The following CORO2A variants were observed in gnomAD, a reference collection of about 807,000 sequenced individuals.
CORO2A encodes the protein coronin 2A, also known as coronin-2A.
A neutral mutation model predicts 62.4 loss-of-function variants in CORO2A; 47 were observed. The ratio of observed to expected loss-of-function variants is 0.75; its 90% CI spans 0.60 to 0.96. The LOEUF is 0.96. Among genes scored for constraint, CORO2A ranks in the 40% least tolerant of loss-of-function variants. The pLI is 0.00. For missense variants in CORO2A, 610 were observed against 684.1 expected (o/e 0.89, Z 1.21); for synonymous variants, 273 against 268.9 (o/e 1.02, Z -0.15).
At chr9:98,138,341 G>A (rs1827517108) in intron 2 of CORO2A, among the ~76,000 whole-genome samples, 1 of 151,764 alleles carries the variant, frequency 6.6e-6, no homozygotes, top group South Asian at 2.1e-4. Context: ...AACCTGGGAG[G>A]TGGAGGTTGC....
intron 3 of CORO2A, among the ~76,000 whole-genome samples, chr9:98,136,383 T>A (rs1470701442): frequency 1.3e-5 from 2 of 152,236 alleles, no homozygotes; most frequent in Non-Finnish European, 2.9e-5. Flanking sequence ...CTCTTTGAAT[T>A]TTCTGCCTTC....
At chr9:98,136,477 A>G (rs1369595777) in intron 3 of CORO2A, among the ~76,000 whole-genome samples, 2 of 152,270 alleles carry the variant, frequency 1.3e-5, no homozygotes, top group Non-Finnish European at 2.9e-5. Context: ...CTTGGCTGCC[A>G]GGTAGCTCTT....
At chr9:98,146,211 C>T (rs1335754564) in intron 2 of CORO2A, among the ~76,000 whole-genome samples, 1 of 152,174 alleles carries the variant, frequency 6.6e-6, no homozygotes, top group Non-Finnish European at 1.5e-5. Context: ...CAGCAAAGTC[C>T]ACCTTCTTCA....
Position 98,124,751 on chromosome 9 carries a change from G to A in CORO2A, c.*23C>T, listed in dbSNP as rs758983217. 6.3e-7 allele frequency: 1 copy of A among 1,594,746 alleles called. No homozygotes were observed. The highest frequency in any genetic ancestry group is 8.6e-7 in the Non-Finnish European group (1 of 1,169,096). On this transcript the variant is annotated 3_prime_UTR_variant, in exon 12 of 12. Transcript: ENST00000375077. ...ATGGAGCCGAGTGGTGTCCCTGAGG[G>A]TGAGGAGGGCAGAGGTCTCTGCTCA...
intron 2 of CORO2A, among the ~76,000 whole-genome samples, chr9:98,146,105 C>G (rs943773293): frequency 6.6e-6 from 1 of 152,204 alleles, no homozygotes; most frequent in Non-Finnish European, 1.5e-5. Context: ...AGGCCCATGT[C>G]CCCTCTGGCC....
At chr9:98,145,563 T>C (rs1827634144) in intron 2 of CORO2A, among the ~76,000 whole-genome samples, 1 of 152,124 alleles carries the variant, frequency 6.6e-6, no homozygotes, top group African/African-American at 2.4e-5. Flanking sequence ...GCTCTGAGGT[T>C]CCAAACAGTT....
Position 98,157,652 on chromosome 9 carries a change from C to T in CORO2A, c.9G>A (p.Trp3Ter), listed in dbSNP as rs1827824994. 10 of 1,612,550 alleles carry T rather than the reference C, an allele frequency of 6.2e-6. No individual in the cohort carries two copies. The highest frequency in any genetic ancestry group is 8.5e-6 in the Non-Finnish European group (10 of 1,179,156). The change falls in exon 2 of 12, where the codon TGG becomes TGA. Residue 3 changes from tryptophan (W) to a stop codon, truncating the protein, a stop_gained. Transcript: ENST00000375077. LOFTEE classifies it high-confidence loss of function. The part of the protein sequence containing the change: MS[W>*]HPQYRSSKFR... ...ACTTGGAGCTCCGGTACTGGGGGTGCCATGACATCTGCAGGAGACAAATGG... is the reference window on the plus strand; with the variant it reads ...ACTTGGAGCTCCGGTACTGGGGGTGTCATGACATCTGCAGGAGACAAATGG...
At chr9:98,134,371 G>T (rs771352018) in intron 4 of CORO2A, among the ~76,000 whole-genome samples, 21 of 152,156 alleles carry the variant, frequency 1.4e-4, no homozygotes, top group Non-Finnish European at 2.4e-4. Context: ...ACTCCGGGCA[G>T]GCTATAATGA....
In CORO2A at chr9:98,190,539, C is replaced by T. The variant is rs1054505889; in HGVS notation, c.-1+2020G>A. Among the ~76,000 whole-genome samples the T allele has an allele frequency of 4.6e-5, 7 of 152,286 alleles. 1 individual carries two copies. The East Asian group carries it at 1.3e-3, about 29-fold the overall frequency. ...GTTTGCTGTGTGACCTTTGCCCAGTCACATCCCCTCTGGCGACAGGGGATG... is the reference window on the plus strand; with the variant it reads ...GTTTGCTGTGTGACCTTTGCCCAGTTACATCCCCTCTGGCGACAGGGGATG... On this transcript the variant is annotated intron_variant, in intron 1 of 11. Coordinates refer to ENST00000375077, the MANE Select transcript of CORO2A (RefSeq NM_052820.4).
chr9:98,189,406 CA>C (rs1288547012), intron 1 of CORO2A, among the ~76,000 whole-genome samples: 1 of 152,208 alleles, frequency 6.6e-6, no homozygotes, highest in African/African-American at 2.4e-5. Context: ...AAGATAAAAA[CA>C]CACCAACTTC....
intron 1 of CORO2A, among the ~76,000 whole-genome samples, chr9:98,188,407 G>T (rs55710345): frequency 0.098 from 14,939 of 152,010 alleles, 1,621 homozygotes; most frequent in African/African-American, 0.27. Flanking sequence ...CTCTTTGGGG[G>T]AAGATCTTTC....
At chr9:98,188,787 A>G (rs1828270670) in intron 1 of CORO2A, among the ~76,000 whole-genome samples, 1 of 152,114 alleles carries the variant, frequency 6.6e-6, no homozygotes, top group Admixed American at 6.5e-5. Context: ...AACAACAACA[A>G]CAAAAAACAA....
chr9:98,163,741 T>TGAGAGAGAGA (rs565063006), intron 1 of CORO2A, among the ~76,000 whole-genome samples: 14 of 139,630 alleles, frequency 1.0e-4, no homozygotes, highest in African/African-American at 1.7e-4. Context: ...TGTGTGTGTG[T>TGAGAGAGAGA]GAGAGAGAGA....
At chr9:98,159,844 C>T (rs933706942) in intron 1 of CORO2A, among the ~76,000 whole-genome samples, 4 of 152,078 alleles carry the variant, frequency 2.6e-5, no homozygotes, top group Admixed American at 2.0e-4. Context: ...CAGTGTCTAT[C>T]CCCCTTGGGC....
At chr9:98,191,297 C>G (rs1463259496) in intron 1 of CORO2A, among the ~76,000 whole-genome samples, 1 of 152,196 alleles carries the variant, frequency 6.6e-6, no homozygotes, top group Non-Finnish European at 1.5e-5. Context: ...CATTCCAGTC[C>G]TGATGCACAG....
intron 2 of CORO2A, among the ~76,000 whole-genome samples, chr9:98,138,272 G>A (rs971334824): frequency 6.6e-5 from 10 of 152,020 alleles, no homozygotes; most frequent in South Asian, 2.1e-4. Flanking sequence ...AAAATTAGCC[G>A]GGCGTGGTAG....
intron 1 of CORO2A, among the ~76,000 whole-genome samples, chr9:98,173,823 G>A (rs893866269): frequency 1.3e-5 from 2 of 152,198 alleles, no homozygotes; most frequent in East Asian, 1.9e-4. Context: ...GCTTAAGAGC[G>A]TGTAGCCTTT....
At chr9:98,141,173 T>C (rs76790287) in intron 2 of CORO2A, among the ~76,000 whole-genome samples, 2,931 of 151,884 alleles carry the variant, frequency 0.019, 63 homozygotes, top group African/African-American at 0.048. Flanking sequence ...GTGATGTGCA[T>C]GGAGGGAGGT....
In CORO2A at chr9:98,123,401, C is replaced by G. The variant is rs1464455099; in HGVS notation, c.*1373G>C. The G allele has an allele frequency of 6.6e-6, 1 of 152,018 alleles. No homozygotes were observed. Among genetic ancestry groups the G allele is most frequent in the Non-Finnish European group, 1.5e-5 (1 of 68,018 alleles). The allele number at this position is 152,018 out of a possible 1,614,324, so 9.4% of individuals were successfully genotyped here. A position where few individuals can be genotyped will look rare whatever the true frequency, so the allele number is the denominator to read the frequency against. ...AGCAGAATTGTTTTTCATACTAGCC[C>G]AACATATAAAATAGAAGGGAGCTGT... is the stretch of plus-strand genomic sequence containing the variant. On this transcript the variant is annotated 3_prime_UTR_variant, in exon 12 of 12. Coordinates refer to ENST00000375077, the MANE Select transcript of CORO2A (RefSeq NM_052820.4).
Sources: gnomAD v4.1 joint callset for allele counts (sites outside exome capture counted in the v4.1 genomes callset) on GRCh38, gnomAD v4.1.1 for gene constraint, MANE v1.5 for transcripts, NCBI Gene and HGNC (gene_info 2026-07-23, HGNC 2026-07-21) for gene names.